CAMK2D: variants seen among roughly 807,000 people sequenced by gnomAD.
CAMK2D encodes calcium/calmodulin-dependent protein kinase type II subunit delta.
CAMK2D carries 37 observed loss-of-function variants against 84.0 expected under a neutral mutation model. That is an observed-to-expected ratio of 0.44 (90% CI 0.34 to 0.58). The LOEUF (loss-of-function observed/expected upper bound fraction) is 0.58, where lower values mean the gene tolerates loss of function less well. Ranked by LOEUF, CAMK2D falls within the 20% of genes least tolerant of loss-of-function variation. The probability of loss-of-function intolerance (pLI) is 0.02; values close to 1 mark genes in which losing one functional copy is unlikely to be tolerated. For synonymous variants in CAMK2D, 202 were observed against 212.5 expected (o/e 0.95, Z 0.43); for missense variants, 448 against 652.5 (o/e 0.69, Z 3.41).
chr4:113,686,003 G>C (rs765027629), intron 2 of CAMK2D, among the ~76,000 whole-genome samples: 21 of 151,988 alleles, frequency 1.4e-4, no homozygotes, highest in Admixed American at 6.5e-4. Context: ...GGCGGAGATT[G>C]CAGTGAGCCG....
intron 16 of CAMK2D, among the ~76,000 whole-genome samples, chr4:113,497,759 A>G (rs1363865903): frequency 6.6e-6 from 1 of 152,218 alleles, no homozygotes; most frequent in African/African-American, 2.4e-5. Flanking sequence ...GGCATGTGAC[A>G]TGGTATTCAA....
At chr4:113,649,998 C>T (rs996063565) in intron 3 of CAMK2D, among the ~76,000 whole-genome samples, 16 of 152,086 alleles carry the variant, frequency 1.1e-4, no homozygotes, top group Non-Finnish European at 2.9e-5. Flanking sequence ...AGGAGAATAG[C>T]TTGAATGAAC....
intron 16 of CAMK2D, among the ~76,000 whole-genome samples, chr4:113,489,535 C>A (rs1239976111): frequency 1.4e-4 from 21 of 151,118 alleles, no homozygotes; most frequent in Non-Finnish European, 2.5e-4. Flanking sequence ...TTAATCCAGT[C>A]TATCATTGTT....
chr4:113,558,236 C>G (rs896367199), intron 4 of CAMK2D, among the ~76,000 whole-genome samples: 2 of 152,232 alleles, frequency 1.3e-5, no homozygotes, highest in African/African-American at 4.8e-5. Context: ...TCTGCTTCAT[C>G]TATCCAAGCT....
At chr4:113,536,922 GTAT>G (rs2098496836) in intron 7 of CAMK2D, among the ~76,000 whole-genome samples, 3 of 152,158 alleles carry the variant, frequency 2.0e-5, no homozygotes, top group Admixed American at 2.0e-4. Context: ...AAATCATAAA[GTAT>G]TATATGTGAA....
At chr4:113,482,780 G>A (rs1301274273) in intron 16 of CAMK2D, among the ~76,000 whole-genome samples, 1 of 152,166 alleles carries the variant, frequency 6.6e-6, no homozygotes, top group African/African-American at 2.4e-5. Context: ...AAAGGTATTT[G>A]CATATTGCAA....
At chr4:113,502,785 T>TAGTTC in intron 15 of CAMK2D, 151 bp downstream of exon 15, 3 of 625,834 alleles carry the variant, frequency 4.8e-6, no homozygotes, top group Non-Finnish European at 8.6e-6. Flanking sequence ...AGTATGTCCA[T>TAGTTC]AGTTCTAGAT....
Position 113,547,641 on chromosome 4 carries a change from C to T in CAMK2D, c.414+3G>A. Reference sequence around the variant, plus strand: ...GTTTATCTTCTTCAACCGCATTACTCACCTTCAGGTCCCGATGGACCACGC... The same window carrying T: ...GTTTATCTTCTTCAACCGCATTACTTACCTTCAGGTCCCGATGGACCACGC... On this transcript the variant is annotated splice_donor_region_variant and intron_variant, in intron 6 of 20. Transcript: ENST00000511664. The T allele has an allele frequency of 6.4e-7, 1 of 1,551,608 alleles. No homozygotes were observed. Among genetic ancestry groups the T allele is most frequent in the Non-Finnish European group, 8.7e-7 (1 of 1,150,526 alleles).
At chr4:113,734,852 A>G (rs1183219398) in intron 2 of CAMK2D, among the ~76,000 whole-genome samples, 1 of 151,908 alleles carries the variant, frequency 6.6e-6, no homozygotes, top group African/African-American at 2.4e-5. Context: ...AAGTGTCTCA[A>G]AAAGTTTTTT....
intron 3 of CAMK2D, among the ~76,000 whole-genome samples, chr4:113,614,131 T>C (rs1481083968): frequency 1.3e-5 from 2 of 152,156 alleles, no homozygotes; most frequent in South Asian, 2.1e-4. Flanking sequence ...TCTATTTCAG[T>C]ACTACTTCTT....
At chr4:113,673,321 A>T (rs1221428046) in intron 2 of CAMK2D, among the ~76,000 whole-genome samples, 3 of 152,240 alleles carry the variant, frequency 2.0e-5, no homozygotes, top group Non-Finnish European at 4.4e-5. Context: ...TGCAAAGCCT[A>T]GAGGACTCCA....
At chr4:113,603,977 A>G (rs2098967003) in intron 4 of CAMK2D, among the ~76,000 whole-genome samples, 2 of 151,560 alleles carry the variant, frequency 1.3e-5, no homozygotes, top group African/African-American at 2.4e-5. Context: ...AAATTTTTTC[A>G]TAGAACTCAT....
chr4:113,459,443 T>G (rs1378487913), intron 18 of CAMK2D, among the ~76,000 whole-genome samples: 1 of 152,144 alleles, frequency 6.6e-6, no homozygotes, highest in African/African-American at 2.4e-5. Flanking sequence ...GGTCTTGAAT[T>G]TCTGGCCTTA....
At chr4:113,756,439 T>C (rs905262414) in intron 2 of CAMK2D, among the ~76,000 whole-genome samples, 20 of 151,944 alleles carry the variant, frequency 1.3e-4, no homozygotes, top group African/African-American at 4.8e-4. Flanking sequence ...ACAAAAAAAG[T>C]ATGCTCCACA....
intron 14 of CAMK2D, chr4:113,503,391 A>G (rs1054748945): frequency 2.4e-5 from 11 of 463,308 alleles, no homozygotes; most frequent in Non-Finnish European, 4.6e-5. Flanking sequence ...CTCAGAGAAG[A>G]TATTTTTTCA....
intron 13 of CAMK2D, among the ~76,000 whole-genome samples, chr4:113,507,202 A>G (rs1247988895): frequency 6.6e-6 from 1 of 151,974 alleles, no homozygotes. Flanking sequence ...AGGCAAGAAG[A>G]CGTTCTTTTC....
intron 4 of CAMK2D, among the ~76,000 whole-genome samples, chr4:113,565,926 C>T (rs1243281506): frequency 1.3e-5 from 2 of 152,066 alleles, no homozygotes; most frequent in Non-Finnish European, 2.9e-5. Context: ...TTTAGATGCA[C>T]TTTTGGAAGA....
rs149366568 is a variant in CAMK2D, at chr4:113,726,787, C to T, written c.160+32533G>A. 2.9e-3 allele frequency among the ~76,000 whole-genome samples: 440 copies of T among 152,104 alleles called. 11 individuals carry two copies. The highest frequency in any genetic ancestry group is 0.021 in the East Asian group (111 of 5,170). On this transcript the variant is annotated intron_variant, in intron 2 of 20. Coordinates refer to ENST00000511664, the MANE Select transcript of CAMK2D (RefSeq NM_001321571.2). ...CTTATTAGGTAATTGAATTAAACTA[C>T]GAGAGATCACACTTTCACTAGTACA...
At chr4:113,727,788 G>A (rs915276040) in intron 2 of CAMK2D, among the ~76,000 whole-genome samples, 2 of 152,012 alleles carry the variant, frequency 1.3e-5, no homozygotes, top group Non-Finnish European at 2.9e-5. Flanking sequence ...TTTGTATCTG[G>A]AATATACAAA....
Sources: allele counts gnomAD v4.1 joint callset (sites outside exome capture counted in the v4.1 genomes callset), GRCh38; gene constraint gnomAD v4.1.1; transcripts MANE v1.5; gene names NCBI Gene and HGNC (gene_info 2026-07-23, HGNC 2026-07-21).